PTPRD: variants seen among roughly 807,000 people sequenced by gnomAD.
PTPRD encodes receptor-type tyrosine-protein phosphatase delta.
In PTPRD, 34 loss-of-function variants were observed where a neutral mutation model predicts 214.5. The ratio of observed to expected loss-of-function variants is 0.16; its 90% confidence interval spans 0.12 to 0.21. The LOEUF (loss-of-function observed/expected upper bound fraction) is 0.21, where lower values mean the gene tolerates loss of function less well. Ranked by LOEUF, PTPRD falls within the 10% of genes least tolerant of loss-of-function variation. The pLI is 1.00. For missense variants in PTPRD, 2,545 were observed against 2,398.7 expected (o/e 1.06, Z -1.27); for synonymous variants, 1,128 against 845.7 (o/e 1.33, Z -5.79).
At chr9:9,897,157 C>CACAT (rs1477576326) in intron 5 of PTPRD, among the ~76,000 whole-genome samples, 3 of 133,946 alleles carry the variant, frequency 2.2e-5, no homozygotes, top group African/African-American at 8.5e-5. Flanking sequence ...CACACACACA[C>CACAT]ACACCGCTGC....
chr9:8,549,363 A>G (rs2081315532), intron 14 of PTPRD, among the ~76,000 whole-genome samples: 1 of 152,162 alleles, frequency 6.6e-6, no homozygotes, highest in Non-Finnish European at 1.5e-5. Context: ...AAAAGACACA[A>G]GAAGAGACAG....
chr9:8,615,014 T>A lies in PTPRD; in HGVS notation c.352+18303A>T, dbSNP rs138250000. 5.4e-3 allele frequency among the ~76,000 whole-genome samples: 820 copies of A among 152,234 alleles called. 5 individuals carry two copies. The highest frequency in any genetic ancestry group is 0.018 in the African/African-American group (749 of 41,534). On this transcript the variant is annotated intron_variant, in intron 14 of 45. Coordinates refer to ENST00000381196, the MANE Select transcript of PTPRD (RefSeq NM_002839.4). ...GTTTGGCCTGCTAATTCTTTCTCCATCTGAGGGGTGAGAAAGACTTCTTTT... is the reference window on the plus strand; with the variant it reads ...GTTTGGCCTGCTAATTCTTTCTCCAACTGAGGGGTGAGAAAGACTTCTTTT...
At chr9:10,057,524 G>A (rs2097677359) in intron 3 of PTPRD, among the ~76,000 whole-genome samples, 1 of 152,048 alleles carries the variant, frequency 6.6e-6, no homozygotes, top group African/African-American at 2.4e-5. Context: ...TAAACATTTG[G>A]AGTATTCTTC....
intron 2 of PTPRD, among the ~76,000 whole-genome samples, chr9:10,433,205 C>T (rs979118360): frequency 2.6e-5 from 4 of 151,834 alleles, no homozygotes; most frequent in African/African-American, 9.7e-5. Context: ...CTTTCCTAGT[C>T]CTTTACTTTT....
chr9:10,115,979 G>GA (rs955178148), intron 3 of PTPRD, among the ~76,000 whole-genome samples: 9 of 151,848 alleles, frequency 5.9e-5, no homozygotes, highest in African/African-American at 1.7e-4. Flanking sequence ...ATTTAAGATA[G>GA]AAAAAAAGGA....
At chr9:9,891,028 T>C (rs1379883479) in intron 5 of PTPRD, among the ~76,000 whole-genome samples, 2 of 152,128 alleles carry the variant, frequency 1.3e-5, no homozygotes, top group Non-Finnish European at 2.9e-5. Flanking sequence ...TTTTCCCGTC[T>C]ATAAAAACCT....
At chr9:9,548,420 TTTTTTA>T in intron 8 of PTPRD, among the ~76,000 whole-genome samples, 1 of 149,754 alleles carries the variant, frequency 6.7e-6, no homozygotes, top group Non-Finnish European at 1.5e-5. Flanking sequence ...TTTTTTTTTT[TTTTTTA>T]AGACGGAGTC....
chr9:9,391,085 T>A (rs537620056), intron 9 of PTPRD, among the ~76,000 whole-genome samples: 2 of 152,298 alleles, frequency 1.3e-5, no homozygotes, highest in South Asian at 4.1e-4. Context: ...TTTAAATCTA[T>A]TTAATTTTCA....
At chr9:8,453,213 G>C (rs1213536046) in intron 33 of PTPRD, among the ~76,000 whole-genome samples, 1 of 152,202 alleles carries the variant, frequency 6.6e-6, no homozygotes, top group Non-Finnish European at 1.5e-5. Flanking sequence ...GCCCAGGCTG[G>C]AGTGCAGTGG....
chr9:9,645,419 T>A (rs1049540798), intron 7 of PTPRD, among the ~76,000 whole-genome samples: 1 of 150,508 alleles, frequency 6.6e-6, no homozygotes, highest in Admixed American at 6.6e-5. Context: ...ATTTGCTTTG[T>A]TTTTTTCATT....
chr9:9,609,282 C>A (rs2094379160), intron 7 of PTPRD, among the ~76,000 whole-genome samples: 2 of 151,864 alleles, frequency 1.3e-5, no homozygotes. Flanking sequence ...ATCAATAAAC[C>A]CGACAACAAT....
intron 11 of PTPRD, among the ~76,000 whole-genome samples, chr9:8,973,301 G>A (rs10977415): frequency 0.51 from 78,077 of 151,630 alleles, 20,503 homozygotes; most frequent in East Asian, 0.76. Context: ...CCCATTTATA[G>A]ACGGACACAC....
intron 3 of PTPRD, among the ~76,000 whole-genome samples, chr9:10,114,841 A>G (rs553385289): frequency 3.3e-5 from 5 of 152,134 alleles, no homozygotes; most frequent in African/African-American, 1.2e-4. Flanking sequence ...TATAGTCCCA[A>G]CTTTTAGATC....
chr9:10,282,926 A>C (rs2095198572), intron 3 of PTPRD, among the ~76,000 whole-genome samples: 1 of 152,110 alleles, frequency 6.6e-6, no homozygotes, highest in Admixed American at 6.6e-5. Context: ...TCTCATTTCT[A>C]TCTGTCTATC....
intron 11 of PTPRD, among the ~76,000 whole-genome samples, chr9:8,859,357 A>G (rs2098045026): frequency 1.3e-5 from 2 of 152,194 alleles, no homozygotes; most frequent in Admixed American, 6.5e-5. Context: ...TTGTTAGCTA[A>G]GAGATGGATT....
chr9:8,953,045 A>G (rs1189888700), intron 11 of PTPRD, among the ~76,000 whole-genome samples: 2 of 151,946 alleles, frequency 1.3e-5, no homozygotes, highest in East Asian at 3.9e-4. Flanking sequence ...TTATAATATA[A>G]AGCAACGAAT....
intron 9 of PTPRD, among the ~76,000 whole-genome samples, chr9:9,228,014 G>C (rs1026618680): frequency 9.2e-5 from 14 of 152,138 alleles, no homozygotes; most frequent in African/African-American, 3.4e-4. Context: ...TTCTGTTTCT[G>C]TAGTGGGAGA....
At chr9:9,487,057 C>A (rs1200386070) in intron 8 of PTPRD, among the ~76,000 whole-genome samples, 1 of 151,980 alleles carries the variant, frequency 6.6e-6, no homozygotes, top group Non-Finnish European at 1.5e-5. Flanking sequence ...TACTCATTTT[C>A]TTTTTTATTA....
At chr9:9,563,384 T>C (rs2083467581) in intron 8 of PTPRD, among the ~76,000 whole-genome samples, 1 of 152,176 alleles carries the variant, frequency 6.6e-6, no homozygotes, top group African/African-American at 2.4e-5. Context: ...AATTACCTTA[T>C]TGTCATGATC....
Sources: gnomAD v4.1 joint callset for allele counts (sites outside exome capture counted in the v4.1 genomes callset) on GRCh38, gnomAD v4.1.1 for gene constraint, MANE v1.5 for transcripts, NCBI Gene and HGNC (gene_info 2026-07-23, HGNC 2026-07-21) for gene names.